Variants in PARN observed in about 807,000 individuals in gnomAD.
The protein encoded by PARN is poly(A)-specific ribonuclease, also known as poly(A)-specific ribonuclease PARN.
Under a neutral mutation model 102.8 loss-of-function variants are expected in PARN, and 71 were observed. The ratio of observed to expected loss-of-function variants is 0.69; its 90% confidence interval spans 0.57 to 0.84. The LOEUF is 0.84. PARN is among the 40% of genes least tolerant of loss of function. PARN has a pLI of 0.00. For synonymous variants in PARN, 261 were observed against 252.9 expected (o/e 1.03, Z -0.30); for missense variants, 782 against 760.9 (o/e 1.03, Z -0.33).
At chr16:14,598,244 C>T (rs146019757) in intron 12 of PARN, among the ~76,000 whole-genome samples, 1 of 151,946 alleles carries the variant, frequency 6.6e-6, no homozygotes, top group African/African-American at 2.4e-5. Context: ...ATGTCCGGAT[C>T]GCTAATAAAC....
chr16:14,627,449 C>T, intron 3 of PARN, 113 bp from the exon 4 acceptor site: 1 of 707,058 alleles, frequency 1.4e-6, no homozygotes, highest in Non-Finnish European at 2.5e-6. Context: ...CAGCAGAATA[C>T]TTCCAATTAG....
intron 22 of PARN, among the ~76,000 whole-genome samples, chr16:14,466,992 TG>T (rs113613782): frequency 0.16 from 24,575 of 152,152 alleles, 2,431 homozygotes; most frequent in Middle Eastern, 0.26. Flanking sequence ...GGTAGGTGCC[TG>T]GAAGGATCCA....
At chr16:14,619,912 A>C (rs1261124112) in intron 5 of PARN, among the ~76,000 whole-genome samples, 2 of 151,662 alleles carry the variant, frequency 1.3e-5, no homozygotes, top group Non-Finnish European at 2.9e-5. Context: ...TCTACTAAAA[A>C]TACAAAAATT....
At chr16:14,540,238 T>C (rs995549191) in intron 21 of PARN, among the ~76,000 whole-genome samples, 1 of 152,204 alleles carries the variant, frequency 6.6e-6, no homozygotes, top group Non-Finnish European at 1.5e-5. Context: ...TATTGCCACA[T>C]TTAGAATTCA....
At chr16:14,442,622 T>C (rs904915080) in intron 23 of PARN, among the ~76,000 whole-genome samples, 1 of 146,716 alleles carries the variant, frequency 6.8e-6, no homozygotes. Context: ...TCTTTGTTTC[T>C]TTCTTGAGAC....
intron 10 of PARN, among the ~76,000 whole-genome samples, chr16:14,604,935 A>G (rs1052363708): frequency 6.8e-6 from 1 of 147,706 alleles, no homozygotes; most frequent in Admixed American, 6.8e-5. Context: ...AATTTTTGTA[A>G]CCGCACACTT....
At chr16:14,526,900 G>T (rs972856453) in intron 21 of PARN, among the ~76,000 whole-genome samples, 1 of 152,160 alleles carries the variant, frequency 6.6e-6, no homozygotes, top group African/African-American at 2.4e-5. Context: ...AAGCTCTGAG[G>T]TGAGTACCTC....
chr16:14,468,178 G>A (rs1962481767), intron 22 of PARN, among the ~76,000 whole-genome samples: 1 of 152,186 alleles, frequency 6.6e-6, no homozygotes, highest in Non-Finnish European at 1.5e-5. Flanking sequence ...ATGGGATTTG[G>A]GAAGAGAGAG....
chr16:14,582,231 T>A lies in PARN; in HGVS notation c.1142A>T (p.Tyr381Phe). 6.2e-7 allele frequency: 1 copy of A among 1,613,850 alleles called. No homozygotes were observed. The highest frequency in any genetic ancestry group is 8.5e-7 in the Non-Finnish European group (1 of 1,179,734). Residue 381 changes from tyrosine (Y) to phenylalanine (F), a missense_variant, in exon 17 of 24, where the codon TAC (tyrosine) becomes TTC (phenylalanine). Coordinates refer to ENST00000437198, the MANE Select transcript of PARN (RefSeq NM_002582.4). ...TASEQLHEAGYDAYITGLCFI... is the reference protein window; with the variant it reads ...TASEQLHEAGFDAYITGLCFI... ...GCACAGCCCTGTGATGTAGGCATCGTAGCCTGCCTCGTGGAGTTGTTCAGA... is the reference window on the plus strand; with the variant it reads ...GCACAGCCCTGTGATGTAGGCATCGAAGCCTGCCTCGTGGAGTTGTTCAGA...
chr16:14,491,630 G>A (rs539602456), intron 21 of PARN, among the ~76,000 whole-genome samples: 2 of 152,048 alleles, frequency 1.3e-5, no homozygotes, highest in East Asian at 3.9e-4. Flanking sequence ...AAATTAGCTG[G>A]GTGTGGTGGT....
intron 22 of PARN, among the ~76,000 whole-genome samples, chr16:14,453,549 A>T (rs921314126): frequency 1.3e-5 from 2 of 152,192 alleles, no homozygotes; most frequent in African/African-American, 4.8e-5. Flanking sequence ...TACAATTGAG[A>T]TATAGAACAA....
intron 13 of PARN, among the ~76,000 whole-genome samples, chr16:14,592,294 G>A (rs1186157856): frequency 6.6e-6 from 1 of 152,202 alleles, no homozygotes; most frequent in Non-Finnish European, 1.5e-5. Flanking sequence ...GGGCTATCCA[G>A]GTAGGGATGT....
intron 21 of PARN, among the ~76,000 whole-genome samples, chr16:14,508,984 T>G (rs1965050131): frequency 2.6e-5 from 4 of 151,416 alleles, no homozygotes; most frequent in Non-Finnish European, 4.4e-5. Flanking sequence ...TAAAAAAATT[T>G]TTTAAAAGGT....
At chr16:14,582,499 T>C (rs892950471) in intron 16 of PARN, among the ~76,000 whole-genome samples, 1 of 152,112 alleles carries the variant, frequency 6.6e-6, no homozygotes, top group Non-Finnish European at 1.5e-5. Flanking sequence ...GATACAGAAA[T>C]GCCTCAGTTA....
At chr16:14,548,992 G>A (rs938630002) in intron 21 of PARN, among the ~76,000 whole-genome samples, 1 of 151,424 alleles carries the variant, frequency 6.6e-6, no homozygotes, top group African/African-American at 2.4e-5. Flanking sequence ...GGAAGGGAGA[G>A]GGGGGAAGGT....
intron 21 of PARN, among the ~76,000 whole-genome samples, chr16:14,493,962 C>T (rs1218432074): frequency 4.6e-5 from 7 of 152,238 alleles, no homozygotes; most frequent in Non-Finnish European, 8.8e-5. Flanking sequence ...ATGCTAACTA[C>T]TTTCCAAACA....
At chr16:14,533,055 G>A (rs943833499) in intron 21 of PARN, among the ~76,000 whole-genome samples, 4 of 152,106 alleles carry the variant, frequency 2.6e-5, no homozygotes, top group Non-Finnish European at 5.9e-5. Flanking sequence ...CAAGGCAGGC[G>A]GCTGGGAGGT....
chr16:14,554,254 A>G (rs1217602492), intron 19 of PARN, 103 bp from the exon 20 acceptor site: 1 of 731,176 alleles, frequency 1.4e-6, no homozygotes, highest in African/African-American at 1.8e-5. Context: ...GAGAACTGTT[A>G]TGAATTCCTC....
intron 6 of PARN, among the ~76,000 whole-genome samples, chr16:14,611,556 G>T (rs1287264235): frequency 6.6e-6 from 1 of 152,088 alleles, no homozygotes; most frequent in African/African-American, 2.4e-5. Flanking sequence ...GTTTTGTTTT[G>T]TTGTGAGACA....
Sources: allele counts gnomAD v4.1 joint callset (sites outside exome capture counted in the v4.1 genomes callset), GRCh38; gene constraint gnomAD v4.1.1; transcripts MANE v1.5; gene names NCBI Gene and HGNC (gene_info 2026-07-23, HGNC 2026-07-21).